LAMA2: variants seen among roughly 807,000 people sequenced by gnomAD.
LAMA2 encodes laminin subunit alpha 2.
A neutral mutation model predicts 364.8 loss-of-function variants in LAMA2; 269 were observed. That is an observed-to-expected ratio of 0.74 (90% CI 0.67 to 0.82). The LOEUF is 0.82. Ranked by LOEUF, LAMA2 falls within the 40% of genes least tolerant of loss-of-function variation. LAMA2 has a pLI of 0.00. For synonymous variants in LAMA2, 1,379 were observed against 1,370.6 expected (o/e 1.01, Z -0.14); for missense variants, 3,807 against 3,873.2 (o/e 0.98, Z 0.45).
chr6:128,949,938 T>G (rs1474264776), intron 1 of LAMA2, among the ~76,000 whole-genome samples: 1 of 152,208 alleles, frequency 6.6e-6, no homozygotes, highest in Non-Finnish European at 1.5e-5. Context: ...CTTGAGAATT[T>G]GGGACTACCA....
chr6:129,094,442 TG>T (rs1454822259), intron 3 of LAMA2, among the ~76,000 whole-genome samples: 4 of 152,216 alleles, frequency 2.6e-5, no homozygotes, highest in African/African-American at 9.6e-5. Context: ...AAAGAGTCTG[TG>T]GGGTCTCTAG....
At chr6:129,388,694 C>T (rs772492969) in intron 35 of LAMA2, among the ~76,000 whole-genome samples, 21 of 152,186 alleles carry the variant, frequency 1.4e-4, no homozygotes, top group Non-Finnish European at 1.8e-4. Context: ...CACACACGCG[C>T]GCACACACAC....
rs573368524 is a variant in LAMA2, at chr6:128,897,933, G to A, written c.112+14576G>A. ...GCACTTTTGAAGTTAGACATCGAGA[G>A]TTTGAGTCCTAGATTCACACCTTGC... On this transcript the variant is annotated intron_variant, in intron 1 of 64. Transcript: ENST00000421865. Among the ~76,000 whole-genome samples the A allele has an allele frequency of 3.3e-5, 5 of 152,298 alleles. No homozygotes were observed. In the South Asian group the frequency reaches 1.0e-3, roughly 32 times the overall value.
intron 34 of LAMA2, among the ~76,000 whole-genome samples, chr6:129,371,209 TATGA>T (rs1425820596): frequency 2.6e-5 from 4 of 151,590 alleles, no homozygotes; most frequent in African/African-American, 9.7e-5. Context: ...AGATGAAAAA[TATGA>T]ATGAGGCTCA....
At chr6:129,442,407 C>T (rs550826764) in intron 43 of LAMA2, among the ~76,000 whole-genome samples, 1 of 152,106 alleles carries the variant, frequency 6.6e-6, no homozygotes, top group Non-Finnish European at 1.5e-5. Context: ...TCAAAGTTTA[C>T]ATAATAACTT....
At position 128,952,205 on chromosome 6, in the gene LAMA2, C is replaced by T. The variant is rs1184593847; in HGVS notation, c.112+68848C>T. On this transcript the variant is annotated intron_variant, in intron 1 of 64. Transcript: ENST00000421865. ...AAAAACAAACCATTTCAAATTCAAA[C>T]ATATTTTTCTGAATTAAAAAAGAAA... 2.6e-5 allele frequency among the ~76,000 whole-genome samples: 4 copies of T among 152,144 alleles called. No individual in the cohort carries two copies. The South Asian group carries it at 8.3e-4, about 32-fold the overall frequency.
intron 30 of LAMA2, among the ~76,000 whole-genome samples, chr6:129,344,189 A>T (rs984678165): frequency 1.3e-5 from 2 of 152,226 alleles, no homozygotes; most frequent in Non-Finnish European, 2.9e-5. Flanking sequence ...ATGAATTGAA[A>T]CAGGCAAATG....
intron 1 of LAMA2, 138 bp downstream of exon 1, chr6:128,883,495 A>G (rs1418795064): frequency 1.4e-6 from 2 of 1,418,522 alleles, no homozygotes; most frequent in African/African-American, 1.4e-5. Flanking sequence ...GGCAAGAGGA[A>G]CTTGAAGCAA....
At chr6:129,293,909 G>A (rs1046679194) in intron 20 of LAMA2, among the ~76,000 whole-genome samples, 1 of 152,116 alleles carries the variant, frequency 6.6e-6, no homozygotes, top group Non-Finnish European at 1.5e-5. Flanking sequence ...TCAAATCCTG[G>A]CCTCATTACT....
chr6:128,943,269 CAG>C (rs6149801), intron 1 of LAMA2, among the ~76,000 whole-genome samples: 2,832 of 143,100 alleles, frequency 0.02, 70 homozygotes, highest in African/African-American at 0.057. Flanking sequence ...TATATATACA[CAG>C]AGAGAGAGAG....
intron 37 of LAMA2, among the ~76,000 whole-genome samples, chr6:129,394,576 T>A (rs1186011855): frequency 6.6e-6 from 1 of 152,240 alleles, no homozygotes; most frequent in Non-Finnish European, 1.5e-5. Flanking sequence ...CCAGAAATAC[T>A]GCTGTGAGGC....
chr6:129,253,047 TAA>T (rs1268836184), intron 14 of LAMA2, among the ~76,000 whole-genome samples: 3 of 152,196 alleles, frequency 2.0e-5, no homozygotes, highest in Non-Finnish European at 4.4e-5. Flanking sequence ...CCCCTTTTTT[TAA>T]AAGAGTGAAC....
intron 52 of LAMA2, among the ~76,000 whole-genome samples, chr6:129,474,501 A>G (rs962742942): frequency 1.3e-5 from 2 of 152,194 alleles, no homozygotes; most frequent in African/African-American, 4.8e-5. Context: ...GTTATTACCT[A>G]GAAATTCATT....
At chr6:129,090,145 TA>T (rs900970039) in intron 3 of LAMA2, among the ~76,000 whole-genome samples, 1 of 152,174 alleles carries the variant, frequency 6.6e-6, no homozygotes, top group Non-Finnish European at 1.5e-5. Context: ...TATTCTGATA[TA>T]AAAATTTTCA....
chr6:129,073,323 AG>A (rs1308238588), intron 3 of LAMA2, among the ~76,000 whole-genome samples: 1 of 152,010 alleles, frequency 6.6e-6, no homozygotes, highest in African/African-American at 2.4e-5. Flanking sequence ...TTTGGTGTTC[AG>A]GGGTTTACCA....
intron 55 of LAMA2, among the ~76,000 whole-genome samples, chr6:129,484,260 A>G (rs975749574): frequency 1.3e-5 from 2 of 152,242 alleles, no homozygotes; most frequent in Non-Finnish European, 2.9e-5. Context: ...TGGTTGTTAT[A>G]GTATTAGAAA....
intron 14 of LAMA2, 63 bp from the exon 15 acceptor site, chr6:129,260,648 C>A: frequency 1.0e-6 from 1 of 978,388 alleles, no homozygotes; most frequent in Non-Finnish European, 1.7e-6. Flanking sequence ...CTGTACGATT[C>A]CTACAGCTGT....
intron 2 of LAMA2, among the ~76,000 whole-genome samples, chr6:129,055,824 G>A (rs899787150): frequency 5.3e-5 from 8 of 152,314 alleles, no homozygotes; most frequent in African/African-American, 1.9e-4. Flanking sequence ...GATGCAGTTA[G>A]CCCTTGGATT....
chr6:129,432,554 C>T (rs1173218772), intron 41 of LAMA2, among the ~76,000 whole-genome samples: 5 of 152,108 alleles, frequency 3.3e-5, no homozygotes, highest in African/African-American at 9.7e-5. Flanking sequence ...GATTCTATGG[C>T]GTTTTTTGCA....
Sources: allele counts gnomAD v4.1 joint callset (sites outside exome capture counted in the v4.1 genomes callset), GRCh38; gene constraint gnomAD v4.1.1; transcripts MANE v1.5; gene names NCBI Gene and HGNC (gene_info 2026-07-23, HGNC 2026-07-21).